The following LRIG3 variants were observed in gnomAD, a reference collection of about 807,000 sequenced individuals.
LRIG3 encodes leucine-rich repeats and immunoglobulin-like domains protein 3.
Under a neutral mutation model 114.5 loss-of-function variants are expected in LRIG3, and 76 were observed. The observed-to-expected ratio is 0.66, with a 90% CI of 0.55 to 0.80. The LOEUF (loss-of-function observed/expected upper bound fraction) is 0.80, where lower values mean the gene tolerates loss of function less well. Ranked by LOEUF, LRIG3 falls within the 30% of genes least tolerant of loss-of-function variation. LRIG3 has a pLI of 0.00. For missense variants in LRIG3, 1,239 were observed against 1,382.8 expected, an observed-to-expected ratio of 0.90 and a Z score of 1.65; for synonymous variants, 512 against 519.8, an observed-to-expected ratio of 0.98 and a Z score of 0.20.
chr12:58,900,668 CAGATGATAGT>C (rs2120946114), intron 3 of LRIG3, among the ~76,000 whole-genome samples: 1 of 152,284 alleles, frequency 6.6e-6, no homozygotes, highest in South Asian at 2.1e-4. Flanking sequence ...ATTTTCACTT[CAGATGATAGT>C]ACAAACCAGA....
intron 8 of LRIG3, 163 bp from the exon 9 acceptor site, chr12:58,887,053 A>C (rs1871300026): frequency 7.2e-6 from 4 of 556,904 alleles, no homozygotes; most frequent in Middle Eastern, 2.9e-4. Flanking sequence ...TACCTCTTAC[A>C]CCCTGCCTGA....
Position 58,890,771 on chromosome 12 carries a change from G to GT in LRIG3, c.408dup (p.Leu137ThrfsTer3). 6.2e-7 allele frequency: 1 copy of GT among 1,606,022 alleles called. No individual in the cohort carries two copies. Among genetic ancestry groups the GT allele is most frequent in the Non-Finnish European group, 8.5e-7 (1 of 1,176,914 alleles). On this transcript the variant is annotated frameshift_variant, in exon 4 of 19. Transcript: ENST00000320743. LOFTEE classifies it high-confidence loss of function. ...TGAAACTCTTTCAGATGTTCAGGGAGTATTTCAACAATCCTGTTTCCAGCC... is the reference window on the plus strand; with the variant it reads ...TGAAACTCTTTCAGATGTTCAGGGAGTTATTTCAACAATCCTGTTTCCAGCC...
chr12:58,876,481 C>A lies in LRIG3; in HGVS notation c.2659G>T (p.Gly887Cys). ...TGTTGTGGTAAGAAAAATCCAGCAC[C>A]TGAAGATGTGACAAACTGGTGGTGG... ...GSHHQFVTSS[G>C]AGFFLPQHDS... is the part of the protein sequence containing the mutation. Residue 887 changes from glycine (G) to cysteine (C), a missense_variant, in exon 16 of 19, where the codon GGT becomes TGT. Gly to Cys is a radical substitution (Grantham distance 159). Transcript: ENST00000320743. 1 of 1,614,110 alleles carries A rather than the reference C, an allele frequency of 6.2e-7. No individual in the cohort carries two copies. The highest frequency in any genetic ancestry group is 8.5e-7 in the Non-Finnish European group (1 of 1,180,024).
chr12:58,887,712 G>A, intron 8 of LRIG3, 77 bp downstream of exon 8: 1 of 1,505,276 alleles, frequency 6.6e-7, no homozygotes, highest in Non-Finnish European at 9.1e-7. Context: ...GACAACAAAG[G>A]AAATCTGCTA....
At chr12:58,879,464 T>C (rs1001907618) in intron 13 of LRIG3, among the ~76,000 whole-genome samples, 3 of 150,428 alleles carry the variant, frequency 2.0e-5, no homozygotes, top group African/African-American at 7.3e-5. Flanking sequence ...ACTTCATCTA[T>C]TTTTTTTTTA....
intron 9 of LRIG3, among the ~76,000 whole-genome samples, chr12:58,886,517 C>T (rs909403227): frequency 6.6e-6 from 1 of 151,600 alleles, no homozygotes; most frequent in Non-Finnish European, 1.5e-5. Flanking sequence ...AACTTTTACG[C>T]AATGATAATT....
chr12:58,902,397 A>G (rs1481458400), intron 3 of LRIG3, among the ~76,000 whole-genome samples: 2 of 152,166 alleles, frequency 1.3e-5, no homozygotes, highest in Non-Finnish European at 2.9e-5. Context: ...CCTACCCTGT[A>G]TGGTACCTGC....
At chr12:58,904,411 T>C (rs766001791) in intron 3 of LRIG3, among the ~76,000 whole-genome samples, 23 of 152,172 alleles carry the variant, frequency 1.5e-4, no homozygotes, top group Non-Finnish European at 4.4e-5. Context: ...AGTCTCTTGG[T>C]AGAAGCTGTA....
intron 3 of LRIG3, chr12:58,913,369 TACA>T (rs1223623287): frequency 2.6e-5 from 4 of 152,254 alleles, no homozygotes; most frequent in Admixed American, 6.5e-5. Flanking sequence ...TGCATGTATA[TACA>T]ACGTTACCTA....
chr12:58,895,094 A>C (rs544083945), intron 3 of LRIG3, among the ~76,000 whole-genome samples: 15 of 152,334 alleles, frequency 9.8e-5, no homozygotes, highest in Non-Finnish European at 1.6e-4. Context: ...CTTTTCAGCC[A>C]ACTTTGCCAA....
At chr12:58,877,961 A>G in intron 14 of LRIG3, 109 bp from the exon 15 acceptor site, 1 of 1,082,024 alleles carries the variant, frequency 9.2e-7, no homozygotes, top group South Asian at 1.7e-5. Flanking sequence ...TTATTCTCCC[A>G]CAACTTACTG....
chr12:58,872,832 AC>A lies in LRIG3; in HGVS notation c.3116-17del. The A allele has an allele frequency of 6.2e-7, 1 of 1,604,794 alleles. No homozygotes were observed. Among genetic ancestry groups the A allele is most frequent in the Non-Finnish European group, 8.5e-7 (1 of 1,174,276 alleles). On this transcript the variant is annotated splice_polypyrimidine_tract_variant and intron_variant, in intron 18 of 18. Coordinates refer to ENST00000320743, the MANE Select transcript of LRIG3 (RefSeq NM_153377.5). ...CCAAAGGTACCTGAAAGAAAGAAAC[AC>A]CTTGAGCACATGGGTCCCTTTGCTA...
At chr12:58,886,718 T>C in intron 9 of LRIG3, 92 bp downstream of exon 9, 1 of 1,016,614 alleles carries the variant, frequency 9.8e-7, no homozygotes, top group African/African-American at 1.6e-5. Flanking sequence ...ATTTCTCATC[T>C]CTTCATGATG....
chr12:58,880,712 C>T lies in LRIG3; in HGVS notation c.1670G>A (p.Gly557Asp), dbSNP rs1287979914. 6.2e-7 allele frequency: 1 copy of T among 1,614,074 alleles called. No homozygotes were observed. Among genetic ancestry groups the T allele is most frequent in the Non-Finnish European group, 8.5e-7 (1 of 1,180,044 alleles). ...ENYAHLRAQG[G>D]EVMEYTTILR... ...GATGGTGGTATACTCCATCACCTCG[C>T]CACCTTGGGCCCGGAGGTGTGCATA... Residue 557 changes from glycine to aspartate, a missense_variant, in exon 13 of 19, where the codon GGC becomes GAC. Physicochemically the swap from Gly to Asp is moderately conservative, Grantham distance 94 (BLOSUM62 -1). Transcript: ENST00000320743.
chr12:58,907,411 T>C (rs1008241999), intron 3 of LRIG3, among the ~76,000 whole-genome samples: 2 of 152,166 alleles, frequency 1.3e-5, no homozygotes, highest in Non-Finnish European at 2.9e-5. Context: ...TCACCCCCAA[T>C]GCAAAATGGT....
chr12:58,911,637 A>C (rs535730811), intron 3 of LRIG3, among the ~76,000 whole-genome samples: 2 of 152,326 alleles, frequency 1.3e-5, no homozygotes, highest in East Asian at 3.9e-4. Flanking sequence ...GCAAGTTTTC[A>C]ATCTGTGTCA....
chr12:58,888,285 T>C lies in LRIG3; in HGVS notation c.947+44A>G, dbSNP rs920435217. The C allele has an allele frequency of 3.1e-6, 5 of 1,595,542 alleles. No homozygotes were observed. In the Middle Eastern group the frequency reaches 5.0e-4, roughly 161 times the overall value. On this transcript the variant is annotated intron_variant, in intron 7 of 18. Transcript: ENST00000320743. The stretch of plus-strand genomic sequence containing the variant: ...GTAAGAAGCTCATGCCCTGGCATGA[T>C]CCCTGCTCTCAAACCTGAGGAGAAT...
Position 58,884,209 on chromosome 12 carries a change from T to C in LRIG3, c.1245-618A>G, listed in dbSNP as rs538070688. On this transcript the variant is annotated intron_variant, in intron 10 of 18. Transcript: ENST00000320743. ...AACGCAGTAAGATGTTCAGACAAGA[T>C]ATACTTGTTAAAACCAATACTTCAG... is the stretch of plus-strand genomic sequence containing the variant. 9.8e-5 allele frequency among the ~76,000 whole-genome samples: 15 copies of C among 152,352 alleles called. No individual in the cohort carries two copies. In the South Asian group the frequency reaches 2.9e-3, roughly 29 times the overall value.
At chr12:58,872,845 G>A in intron 18 of LRIG3, 29 bp from the exon 19 acceptor site, 1 of 1,592,716 alleles carries the variant, frequency 6.3e-7, no homozygotes, top group Non-Finnish European at 8.6e-7. Context: ...TTGAGCACAT[G>A]GGTCCCTTTG....
Sources: allele counts gnomAD v4.1 joint callset (sites outside exome capture counted in the v4.1 genomes callset), GRCh38; gene constraint gnomAD v4.1.1; transcripts MANE v1.5; gene names NCBI Gene and HGNC (gene_info 2026-07-23, HGNC 2026-07-21).